EYS: variants seen among roughly 807,000 people sequenced by gnomAD.
EYS encodes EGF-like photoreceptor maintenance factor, also known as protein eyes shut homolog.
EYS carries 250 observed loss-of-function variants against 282.1 expected under a neutral mutation model. The ratio of observed to expected loss-of-function variants is 0.89; its 90% CI spans 0.80 to 0.98. The LOEUF is 0.98. EYS is among the 50% of genes least tolerant of loss of function. The pLI, the probability that EYS is intolerant of heterozygous loss-of-function variation, is 0.00. For synonymous variants in EYS, 1,355 were observed against 1,282.9 expected (o/e 1.06, Z -1.20); for missense variants, 4,016 against 3,709.0 (o/e 1.08, Z -2.15).
intron 31 of EYS, among the ~76,000 whole-genome samples, chr6:64,144,915 T>C (rs941625588): frequency 3.9e-5 from 6 of 152,198 alleles, no homozygotes; most frequent in African/African-American, 1.4e-4. Flanking sequence ...TAAGGGGTCC[T>C]TCTGTGCACA....
At chr6:64,779,481 T>C (rs1773790032) in intron 22 of EYS, among the ~76,000 whole-genome samples, 1 of 151,994 alleles carries the variant, frequency 6.6e-6, no homozygotes, top group Non-Finnish European at 1.5e-5. Flanking sequence ...TGCCAGGAGT[T>C]GGGTTGGGGG....
At chr6:65,503,564 G>C (rs764357286) in intron 2 of EYS, among the ~76,000 whole-genome samples, 5 of 151,578 alleles carry the variant, frequency 3.3e-5, no homozygotes, top group Non-Finnish European at 7.4e-5. Context: ...TTTTCTCCTA[G>C]AAATTTTGTA....
chr6:63,843,960 C>A (rs1772031719), intron 36 of EYS, among the ~76,000 whole-genome samples: 1 of 152,182 alleles, frequency 6.6e-6, no homozygotes, highest in South Asian at 2.1e-4. Context: ...ATCACCTGGG[C>A]ATTAAACCCA....
chr6:64,391,433 G>C (rs1357867746), intron 28 of EYS, among the ~76,000 whole-genome samples: 2 of 152,180 alleles, frequency 1.3e-5, no homozygotes, highest in African/African-American at 4.8e-5. Context: ...TCTCTCGGCA[G>C]AAACCCTACA....
At chr6:64,450,400 A>T (rs986216297) in intron 26 of EYS, among the ~76,000 whole-genome samples, 1 of 152,124 alleles carries the variant, frequency 6.6e-6, no homozygotes, top group Non-Finnish European at 1.5e-5. Context: ...CTCCCACACA[A>T]TAATAATGGG....
intron 29 of EYS, among the ~76,000 whole-genome samples, chr6:64,331,446 G>A (rs1770641996): frequency 1.3e-5 from 2 of 152,008 alleles, no homozygotes; most frequent in South Asian, 4.1e-4. Flanking sequence ...AGAAGGAAGA[G>A]GAAACCCTTA....
At chr6:64,842,411 G>T (rs1381246267) in intron 19 of EYS, among the ~76,000 whole-genome samples, 5 of 151,798 alleles carry the variant, frequency 3.3e-5, no homozygotes, top group Non-Finnish European at 7.4e-5. Flanking sequence ...GTTGTGGGAG[G>T]TACCAGTAGA....
At chr6:63,818,266 A>C (rs926166066) in intron 36 of EYS, among the ~76,000 whole-genome samples, 1 of 152,198 alleles carries the variant, frequency 6.6e-6, no homozygotes, top group African/African-American at 2.4e-5. Context: ...AACAACTGTC[A>C]TTTGATAAAA....
chr6:65,502,085 G>C (rs372632824), intron 2 of EYS, among the ~76,000 whole-genome samples: 1 of 151,478 alleles, frequency 6.6e-6, no homozygotes, highest in South Asian at 2.1e-4. Context: ...ATGAAAAAAG[G>C]TTCTCTGTTT....
chr6:64,790,826 C>G lies in EYS; in HGVS notation c.3443+22552G>C, dbSNP rs537835033. Among the ~76,000 whole-genome samples, 5 of 151,792 alleles carry G rather than the reference C, an allele frequency of 3.3e-5. No individual in the cohort carries two copies. The East Asian group carries it at 9.7e-4, about 29-fold the overall frequency. ...AAGTAAGAACAAGGTGGTACATTAT[C>G]CAGAAGCATTATTTTTTCTTATTCT... is the stretch of plus-strand genomic sequence containing the variant. On this transcript the variant is annotated intron_variant, in intron 22 of 42. Transcript: ENST00000503581.
intron 31 of EYS, among the ~76,000 whole-genome samples, chr6:64,221,353 A>T (rs1766095366): frequency 6.6e-6 from 1 of 152,094 alleles, no homozygotes; most frequent in Non-Finnish European, 1.5e-5. Context: ...TTCATTATAA[A>T]AGGGGTAGTT....
At chr6:64,955,570 T>C (rs559599022) in intron 14 of EYS, among the ~76,000 whole-genome samples, 1 of 152,266 alleles carries the variant, frequency 6.6e-6, no homozygotes, top group East Asian at 1.9e-4. Context: ...AAGGGATTTA[T>C]TGTGCAAGCA....
intron 24 of EYS, among the ~76,000 whole-genome samples, chr6:64,597,468 C>T (rs1255572368): frequency 6.6e-6 from 1 of 152,056 alleles, no homozygotes; most frequent in Non-Finnish European, 1.5e-5. Context: ...ATCCACCTAT[C>T]AGTGAAGGCT....
chr6:65,633,914 C>T (rs146154221), intron 2 of EYS, among the ~76,000 whole-genome samples: 8 of 152,374 alleles, frequency 5.3e-5, no homozygotes, highest in African/African-American at 1.9e-4. Context: ...GTCCCAAAGT[C>T]TTCAGTGCTC....
At chr6:64,925,333 G>T (rs1768481868) in intron 15 of EYS, among the ~76,000 whole-genome samples, 1 of 152,140 alleles carries the variant, frequency 6.6e-6, no homozygotes, top group Non-Finnish European at 1.5e-5. Context: ...AATTCTGGGT[G>T]ATACAATTCA....
chr6:64,145,052 C>T (rs1427127589), intron 31 of EYS, among the ~76,000 whole-genome samples: 1 of 151,968 alleles, frequency 6.6e-6, no homozygotes, highest in South Asian at 2.1e-4. Context: ...TATTGTTATT[C>T]TATGAACACA....
intron 12 of EYS, among the ~76,000 whole-genome samples, chr6:65,252,428 G>T (rs779849493): frequency 3.8e-4 from 57 of 151,906 alleles, no homozygotes; most frequent in Non-Finnish European, 2.2e-4. Context: ...TGGAGACAAG[G>T]CTCAGGGAAG....
In EYS at chr6:65,494,820, T is replaced by C. The variant is rs1373716354; in HGVS notation, c.591A>G (p.Thr197=). 1.5e-5 allele frequency: 25 copies of C among 1,614,100 alleles called. No homozygotes were observed. Among genetic ancestry groups the C allele is most frequent in the Non-Finnish European group, 2.1e-5 (25 of 1,180,014 alleles). Residue 197 remains threonine (T), a synonymous_variant, in exon 4 of 43, where the codon ACA becomes ACG. Coordinates refer to ENST00000503581, the MANE Select transcript of EYS (RefSeq NM_001142800.2). ...GKCLSEAWSK[T]YSCHCQPPFS... is the part of the protein sequence containing the mutation. ...ATGGAGGCTGGCAATGGCAGCTATA[T>C]GTCTTGCTCCAAGCTTCACTAAGAC...
chr6:63,836,190 T>A (rs1355106788), intron 36 of EYS, among the ~76,000 whole-genome samples: 1 of 152,078 alleles, frequency 6.6e-6, no homozygotes, highest in African/African-American at 2.4e-5. Flanking sequence ...CTACCAGCAA[T>A]GTATGAATTA....
Sources: gnomAD v4.1 joint callset for allele counts (sites outside exome capture counted in the v4.1 genomes callset) on GRCh38, gnomAD v4.1.1 for gene constraint, MANE v1.5 for transcripts, NCBI Gene and HGNC (gene_info 2026-07-23, HGNC 2026-07-21) for gene names.